Variants in STX18 observed in about 807,000 individuals in gnomAD.
STX18 encodes syntaxin-18.
STX18 carries 40 observed loss-of-function variants against 50.1 expected under a neutral mutation model. That is an observed-to-expected ratio of 0.80 (90% CI 0.62 to 1.04). STX18 has a LOEUF of 1.04. Ranked by LOEUF, STX18 falls within the 50% of genes least tolerant of loss-of-function variation. STX18 has a pLI of 0.00. For missense variants in STX18, 410 were observed against 415.8 expected (o/e 0.99, Z 0.12); for synonymous variants, 158 against 151.8 (o/e 1.04, Z -0.30).
Position 4,421,018 on chromosome 4 carries a change from C to T in STX18, c.832-74G>A, listed in dbSNP as rs1385292997. Reference sequence around the variant, plus strand: ...CTGAAACCCAAAATGCTCCAACGAGCATTTCCTTTGAGTGTCATGTCAGCG... The same window carrying T: ...CTGAAACCCAAAATGCTCCAACGAGTATTTCCTTTGAGTGTCATGTCAGCG... On this transcript the variant is annotated intron_variant, in intron 9 of 10. Coordinates refer to ENST00000306200, the MANE Select transcript of STX18 (RefSeq NM_016930.4). The T allele has an allele frequency of 3.5e-6, 5 of 1,443,506 alleles. No homozygotes were observed. The African/African-American group carries it at 5.6e-5, about 16-fold the overall frequency. The allele number at this position is 1,443,506 out of a possible 1,614,324, so 89.4% of individuals were successfully genotyped here.
chr4:4,518,757 C>T (rs1264329772), intron 1 of STX18, among the ~76,000 whole-genome samples: 1 of 152,112 alleles, frequency 6.6e-6, no homozygotes, highest in Non-Finnish European at 1.5e-5. Context: ...ATATTATCTG[C>T]ATCAACAACA....
intron 7 of STX18, among the ~76,000 whole-genome samples, chr4:4,429,700 G>A (rs1361664079): frequency 6.6e-6 from 1 of 152,190 alleles, no homozygotes; most frequent in African/African-American, 2.4e-5. Context: ...CCTTCTGGTG[G>A]AAGCCAGCAT....
intron 1 of STX18, among the ~76,000 whole-genome samples, chr4:4,519,507 T>G (rs1045503724): frequency 6.6e-6 from 1 of 152,186 alleles, no homozygotes; most frequent in Non-Finnish European, 1.5e-5. Context: ...GTGCCTTCCA[T>G]TCCCGAGTCA....
At chr4:4,434,286 C>G (rs1356270326) in intron 7 of STX18, among the ~76,000 whole-genome samples, 1 of 152,180 alleles carries the variant, frequency 6.6e-6, no homozygotes, top group African/African-American at 2.4e-5. Context: ...CCTATCAGTT[C>G]CTTTTGAAAC....
intron 1 of STX18, among the ~76,000 whole-genome samples, chr4:4,501,340 T>TA (rs1419884301): frequency 6.6e-6 from 1 of 152,192 alleles, no homozygotes; most frequent in African/African-American, 2.4e-5. Context: ...CCCAGCCTCC[T>TA]AGGCAGGCAG....
At chr4:4,503,500 A>G (rs1422597530) in intron 1 of STX18, among the ~76,000 whole-genome samples, 1 of 152,152 alleles carries the variant, frequency 6.6e-6, no homozygotes, top group Non-Finnish European at 1.5e-5. Context: ...AAATTTTTTT[A>G]AAAATTAAAT....
At chr4:4,481,524 A>G (rs999134868) in intron 1 of STX18, 17 of 152,240 alleles carry the variant, frequency 1.1e-4, no homozygotes, top group Non-Finnish European at 1.8e-4. Context: ...GTATGCAGCC[A>G]AAGGCACAGC....
intron 1 of STX18, among the ~76,000 whole-genome samples, chr4:4,478,429 C>G (rs1047720012): frequency 6.6e-6 from 1 of 152,176 alleles, no homozygotes; most frequent in Non-Finnish European, 1.5e-5. Context: ...TTTTGAGTAT[C>G]TATCATCAAG....
intron 7 of STX18, 117 bp from the exon 8 acceptor site, chr4:4,425,339 C>T (rs1725192328): frequency 1.1e-6 from 1 of 898,522 alleles, no homozygotes; most frequent in Non-Finnish European, 1.8e-6. Context: ...CCAGCTGCGG[C>T]AACGTGGCAG....
In STX18 at chr4:4,508,005, A is replaced by G. The variant is rs537717634; in HGVS notation, c.168+33792T>C. On this transcript the variant is annotated intron_variant, in intron 1 of 10. Transcript: ENST00000306200. ...CCTTGGCTATCCTAACACAAAAGTA[A>G]AAGGTATTCTGAGTCCAATTATAGG... 9.9e-5 allele frequency among the ~76,000 whole-genome samples: 15 copies of G among 152,226 alleles called. No individual in the cohort carries two copies. In the South Asian group the frequency reaches 3.1e-3, roughly 32 times the overall value.
intron 1 of STX18, among the ~76,000 whole-genome samples, chr4:4,516,450 C>A (rs1427524762): frequency 6.6e-6 from 1 of 152,000 alleles, no homozygotes; most frequent in Non-Finnish European, 1.5e-5. Flanking sequence ...TCTGAAGTTG[C>A]AGTTTTGGAG....
intron 2 of STX18, 49 bp from the exon 3 acceptor site, chr4:4,459,536 A>G: frequency 3.0e-6 from 4 of 1,352,176 alleles, no homozygotes; most frequent in South Asian, 1.2e-5. Flanking sequence ...AGAACATAAT[A>G]TAGTCTGAGT....
chr4:4,507,741 G>A lies in STX18; in HGVS notation c.168+34056C>T, dbSNP rs564939279. 218 of 1,297,552 alleles carry A rather than the reference G, an allele frequency of 1.7e-4. 2 individuals carry two copies. The highest frequency in any genetic ancestry group is 6.8e-4 in the South Asian group (56 of 82,110). 80.4% of individuals were successfully genotyped at this position (1,297,552 alleles called of 1,614,324 possible). ...TTTCTGGTGTCTCTAAGAAGCTCAC[G>A]GGCAAGGATGTTAATTTTGAATTCC... On this transcript the variant is annotated intron_variant, in intron 1 of 10. Transcript: ENST00000306200.
Position 4,457,201 on chromosome 4 carries a change from T to C in STX18, c.487A>G (p.Lys163Glu). ...RAIRVKRVVD[K>E]KRLSKLEPEP... ...GAAAGCAATACTTACAATCTTTTCT[T>C]ATCCACCACTCTTTTAACTCGGATG... The change falls in exon 5 of 11, where the codon AAG becomes GAG. Residue 163 changes from lysine (K) to glutamate (E), a missense_variant. Physicochemically the swap from Lys to Glu is moderately conservative, Grantham distance 56. Transcript: ENST00000306200. 6.2e-7 allele frequency: 1 copy of C among 1,613,968 alleles called. No homozygotes were observed. The highest frequency in any genetic ancestry group is 8.5e-7 in the Non-Finnish European group (1 of 1,179,858).
chr4:4,506,311 G>A (rs1729703999), intron 1 of STX18, among the ~76,000 whole-genome samples: 1 of 152,204 alleles, frequency 6.6e-6, no homozygotes, highest in South Asian at 2.1e-4. Flanking sequence ...TTCAACAGGT[G>A]ATAGATAATT....
chr4:4,525,022 G>T (rs548233697), intron 1 of STX18, among the ~76,000 whole-genome samples: 1 of 152,314 alleles, frequency 6.6e-6, no homozygotes, highest in African/African-American at 2.4e-5. Flanking sequence ...GATTCCAGAT[G>T]TGGAAGGAAA....
At chr4:4,468,664 G>A (rs979171065) in intron 2 of STX18, among the ~76,000 whole-genome samples, 2 of 152,062 alleles carry the variant, frequency 1.3e-5, no homozygotes, top group Non-Finnish European at 2.9e-5. Context: ...ATTATAACTC[G>A]CATGCATTGC....
At chr4:4,521,632 T>C (rs1192906709) in intron 1 of STX18, among the ~76,000 whole-genome samples, 1 of 152,120 alleles carries the variant, frequency 6.6e-6, no homozygotes, top group African/African-American at 2.4e-5. Flanking sequence ...GAAAGGGTAT[T>C]TAAAATTATT....
At chr4:4,445,185 T>C (rs1726324822) in intron 5 of STX18, among the ~76,000 whole-genome samples, 1 of 152,168 alleles carries the variant, frequency 6.6e-6, no homozygotes, top group Non-Finnish European at 1.5e-5. Context: ...GTGGATCACC[T>C]GAGGTGAGGT....
Sources: gnomAD v4.1 joint callset for allele counts (sites outside exome capture counted in the v4.1 genomes callset) on GRCh38, gnomAD v4.1.1 for gene constraint, MANE v1.5 for transcripts, NCBI Gene and HGNC (gene_info 2026-07-23, HGNC 2026-07-21) for gene names.